Variants in PRKD1 observed in about 807,000 individuals in gnomAD.
PRKD1 encodes the protein protein kinase D1, also known as serine/threonine-protein kinase D1.
A neutral mutation model predicts 95.9 loss-of-function variants in PRKD1; 63 were observed. The ratio of observed to expected loss-of-function variants is 0.66; its 90% CI spans 0.54 to 0.81. The LOEUF is 0.81. Ranked by LOEUF, PRKD1 falls within the 30% of genes least tolerant of loss-of-function variation. The probability of loss-of-function intolerance (pLI) is 0.00; values close to 1 mark genes in which losing one functional copy is unlikely to be tolerated. For synonymous variants in PRKD1, 425 were observed against 423.1 expected (o/e 1.00, Z -0.05); for missense variants, 1,048 against 1,165.3 (o/e 0.90, Z 1.47).
Position 29,632,899 on chromosome 14 carries a change from A to T in PRKD1, c.1362T>A (p.Phe454Leu), listed in dbSNP as rs2139118521. ...WRLDSKCITL[F>L]QNDTGSRYYK... ...AGTACCTGCTTCCTGTGTCATTCTG[A>T]AAGAGGGTAATACATTTGCTATCCA... The change falls in exon 9 of 18, where the codon TTT (phenylalanine) becomes TTA (leucine). Residue 454 changes from phenylalanine (F) to leucine (L), a missense_variant. Physicochemically the swap from Phe to Leu is conservative, Grantham distance 22. Transcript: ENST00000331968. 6.2e-7 allele frequency: 1 copy of T among 1,613,686 alleles called. No homozygotes were observed. Among genetic ancestry groups the T allele is most frequent in the Middle Eastern group, 1.7e-4 (1 of 6,060 alleles).
chr14:29,683,159 T>C (rs80251099), intron 2 of PRKD1, among the ~76,000 whole-genome samples: 223 of 152,174 alleles, frequency 1.5e-3, no homozygotes, highest in African/African-American at 5.0e-3. Flanking sequence ...TACAGAGCAG[T>C]GAGGACACTG....
At chr14:29,923,907 A>G (rs2139144710) in intron 1 of PRKD1, among the ~76,000 whole-genome samples, 1 of 151,996 alleles carries the variant, frequency 6.6e-6, no homozygotes, top group Non-Finnish European at 1.5e-5. Context: ...TTCCTCTGGA[A>G]TTTTTTTCCT....
At chr14:29,690,951 C>T (rs924338471) in intron 2 of PRKD1, among the ~76,000 whole-genome samples, 1 of 152,120 alleles carries the variant, frequency 6.6e-6, no homozygotes, top group Non-Finnish European at 1.5e-5. Context: ...TTGTCTTTAC[C>T]GTGGTAATGT....
At chr14:29,876,988 C>A (rs1893320018) in intron 1 of PRKD1, among the ~76,000 whole-genome samples, 1 of 152,020 alleles carries the variant, frequency 6.6e-6, no homozygotes, top group Non-Finnish European at 1.5e-5. Flanking sequence ...CCCGTGTCTA[C>A]TAAAAATACA....
intron 1 of PRKD1, among the ~76,000 whole-genome samples, chr14:29,845,883 C>G (rs1235545252): frequency 6.6e-6 from 1 of 152,082 alleles, no homozygotes; most frequent in Non-Finnish European, 1.5e-5. Context: ...ACTGGAGGCC[C>G]AGTATGTTGC....
chr14:29,833,388 T>G (rs187193796), intron 1 of PRKD1, among the ~76,000 whole-genome samples: 2 of 152,206 alleles, frequency 1.3e-5, no homozygotes, highest in East Asian at 3.9e-4. Context: ...CCTGTTAAAG[T>G]ACACACATAC....
At chr14:29,632,751 C>A in intron 9 of PRKD1, 118 bp downstream of exon 9, 1 of 895,972 alleles carries the variant, frequency 1.1e-6, no homozygotes, top group Non-Finnish European at 1.7e-6. Flanking sequence ...AAAATAGTTC[C>A]TGGAGGAAGC....
At chr14:29,641,730 G>A (rs1880779533) in intron 4 of PRKD1, among the ~76,000 whole-genome samples, 1 of 151,978 alleles carries the variant, frequency 6.6e-6, no homozygotes, top group South Asian at 2.1e-4. Context: ...AATCAAAAAT[G>A]TAAAACAAGG....
chr14:29,782,111 C>T (rs899944955), intron 1 of PRKD1, among the ~76,000 whole-genome samples: 4 of 152,192 alleles, frequency 2.6e-5, no homozygotes, highest in African/African-American at 4.8e-5. Flanking sequence ...ATGCTCAGTT[C>T]GGTTGAAGAC....
At chr14:29,631,221 T>G (rs544110651) in intron 9 of PRKD1, among the ~76,000 whole-genome samples, 200 bp from the exon 10 acceptor site, 1 of 152,318 alleles carries the variant, frequency 6.6e-6, no homozygotes, top group Admixed American at 6.5e-5. Context: ...ATTTCCTTTT[T>G]CTAGAAAATG....
intron 1 of PRKD1, among the ~76,000 whole-genome samples, chr14:29,745,336 T>C (rs1887164842): frequency 6.6e-6 from 1 of 152,220 alleles, no homozygotes; most frequent in Non-Finnish European, 1.5e-5. Flanking sequence ...TAGTCACTGT[T>C]GTATCCCAAG....
chr14:29,594,195 TA>T, intron 16 of PRKD1: 1 of 440,610 alleles, frequency 2.3e-6, no homozygotes, highest in Non-Finnish European at 4.5e-6. Flanking sequence ...AAATACATAA[TA>T]AAGAAATTTG....
intron 2 of PRKD1, among the ~76,000 whole-genome samples, chr14:29,704,079 A>C (rs929482902): frequency 5.3e-5 from 8 of 152,276 alleles, no homozygotes; most frequent in South Asian, 2.1e-4. Flanking sequence ...ACAATACAAC[A>C]CGGGACAAAA....
At chr14:29,914,023 C>T (rs1406946638) in intron 1 of PRKD1, among the ~76,000 whole-genome samples, 1 of 152,270 alleles carries the variant, frequency 6.6e-6, no homozygotes. Context: ...CTTTCTAGTA[C>T]ATTAGGGAAA....
chr14:29,903,430 C>T (rs1468865171), intron 1 of PRKD1, among the ~76,000 whole-genome samples: 3 of 152,186 alleles, frequency 2.0e-5, no homozygotes, highest in Admixed American at 6.5e-5. Flanking sequence ...CTCTCTCTCA[C>T]GGATACTACT....
chr14:29,697,233 C>A (rs1230532687), intron 2 of PRKD1, among the ~76,000 whole-genome samples: 1 of 151,800 alleles, frequency 6.6e-6, no homozygotes, highest in East Asian at 1.9e-4. Context: ...AAATCCATTC[C>A]TACTCTGACA....
At chr14:29,740,634 C>G (rs919214359) in intron 1 of PRKD1, among the ~76,000 whole-genome samples, 1 of 152,174 alleles carries the variant, frequency 6.6e-6, no homozygotes, top group Non-Finnish European at 1.5e-5. Context: ...CCAGAAAGCC[C>G]TGGACCCAGG....
At chr14:29,861,736 T>A (rs1892717163) in intron 1 of PRKD1, among the ~76,000 whole-genome samples, 1 of 151,934 alleles carries the variant, frequency 6.6e-6, no homozygotes, top group Non-Finnish European at 1.5e-5. Flanking sequence ...CACTGCAACC[T>A]CTGCCTCCCG....
At chr14:29,755,767 T>C (rs1887669428) in intron 1 of PRKD1, among the ~76,000 whole-genome samples, 1 of 152,142 alleles carries the variant, frequency 6.6e-6, no homozygotes, top group South Asian at 2.1e-4. Context: ...AAGAACCCAT[T>C]TTCTACTTGC....
Sources: allele counts gnomAD v4.1 joint callset (sites outside exome capture counted in the v4.1 genomes callset), GRCh38; gene constraint gnomAD v4.1.1; transcripts MANE v1.5; gene names NCBI Gene and HGNC (gene_info 2026-07-23, HGNC 2026-07-21).